The following ASAP2 variants were observed in gnomAD, a reference collection of about 807,000 sequenced individuals.
ASAP2 encodes the protein ArfGAP with SH3 domain, ankyrin repeat and PH domain 2, also known as arf-GAP with SH3 domain, ANK repeat and PH domain-containing protein 2.
In ASAP2, 45 loss-of-function variants were observed where a neutral mutation model predicts 131.4. That is an observed-to-expected ratio of 0.34 (90% CI 0.27 to 0.44). ASAP2 has a LOEUF of 0.44. Among genes scored for constraint, ASAP2 ranks in the 20% least tolerant of loss-of-function variants. The pLI is 1.00. For synonymous variants in ASAP2, 510 were observed against 503.0 expected (o/e 1.01, Z -0.19); for missense variants, 1,011 against 1,297.0 (o/e 0.78, Z 3.39).
intron 1 of ASAP2, among the ~76,000 whole-genome samples, chr2:9,251,304 A>G (rs1664688881): frequency 6.6e-6 from 1 of 152,014 alleles, no homozygotes; most frequent in South Asian, 2.1e-4. Flanking sequence ...CTGGCATTTG[A>G]CTTCGTCCCA....
At chr2:9,279,253 G>T in intron 1 of ASAP2, 64 bp from the exon 2 acceptor site, 1 of 1,509,442 alleles carries the variant, frequency 6.6e-7, no homozygotes, top group East Asian at 2.3e-5. Context: ...ACTCAACGTG[G>T]TGCTCGCTGC....
Position 9,350,906 on chromosome 2 carries a change from C to T in ASAP2, c.1111+11C>T. On this transcript the variant is annotated intron_variant, in intron 12 of 27. Transcript: ENST00000281419. ...TTGACCTCATTTCACGTAAGGCTCC[C>T]TCTGAGATGCCGCGCCATAGAGACG... 1 of 1,593,744 alleles carries T rather than the reference C, an allele frequency of 6.3e-7. No individual in the cohort carries two copies. Among genetic ancestry groups the T allele is most frequent in the Non-Finnish European group, 8.6e-7 (1 of 1,164,654 alleles).
intron 15 of ASAP2, among the ~76,000 whole-genome samples, chr2:9,359,674 A>G (rs1672958685): frequency 6.6e-6 from 1 of 152,214 alleles, no homozygotes; most frequent in Non-Finnish European, 1.5e-5. Context: ...TAACGTCAAG[A>G]GCAATAGTCT....
At chr2:9,305,157 G>A (rs564286933) in intron 3 of ASAP2, among the ~76,000 whole-genome samples, 572 of 151,866 alleles carry the variant, frequency 3.8e-3, no homozygotes, top group Non-Finnish European at 6.9e-3. Context: ...AGATATTGGT[G>A]GAGGGGCTGG....
At chr2:9,351,253 C>T (rs1033439311) in intron 12 of ASAP2, among the ~76,000 whole-genome samples, 2 of 152,214 alleles carry the variant, frequency 1.3e-5, no homozygotes, top group African/African-American at 2.4e-5. Context: ...ATTCTGTTTT[C>T]AAGAACTTAC....
chr2:9,280,982 G>A (rs1396193783), intron 2 of ASAP2, among the ~76,000 whole-genome samples: 1 of 152,194 alleles, frequency 6.6e-6, no homozygotes, highest in Non-Finnish European at 1.5e-5. Flanking sequence ...CTGTGTCAGG[G>A]TTGTGTGCAG....
At position 9,323,258 on chromosome 2, in the gene ASAP2, G is replaced by A. The variant is rs775005602; in HGVS notation, c.600+8G>A. On this transcript the variant is annotated splice_region_variant and intron_variant, in intron 6 of 27. Transcript: ENST00000281419. ...CAGCTACAGATGTGCGAGGTAAGGC[G>A]GTGGTGAAGGCAGGTCCTACAGCCC... 14 of 1,613,960 alleles carry A rather than the reference G, an allele frequency of 8.7e-6. No individual in the cohort carries two copies. The highest frequency in any genetic ancestry group is 3.3e-5 in the Admixed American group (2 of 60,002).
In ASAP2 at chr2:9,206,929, C is replaced by A; in HGVS notation, c.-176C>A. ...ACCGGCCGAGCTGCGCGGGGCTGCG[C>A]GCCGCCCCTGCTCCGCCGCCAGGCC... On this transcript the variant is annotated 5_prime_UTR_variant, in exon 1 of 28. Coordinates refer to ENST00000281419, the MANE Select transcript of ASAP2 (RefSeq NM_003887.3). This position sits in a 1 kb window ranked among gnomAD's most constrained non-coding sequence, Gnocchi z 4.0. 2.5e-6 allele frequency: 1 copy of A among 404,652 alleles called. No individual in the cohort carries two copies. The highest frequency in any genetic ancestry group is 3.3e-6 in the Non-Finnish European group (1 of 302,282). 25.1% of individuals were successfully genotyped at this position (404,652 alleles called of 1,614,324 possible).
chr2:9,334,893 A>G (rs1403063530), intron 8 of ASAP2, 80 bp downstream of exon 8: 2 of 1,509,824 alleles, frequency 1.3e-6, no homozygotes, highest in African/African-American at 2.8e-5. Context: ...CTTCTGTGTA[A>G]TCCTGTGTTT....
intron 17 of ASAP2, among the ~76,000 whole-genome samples, 159 bp downstream of exon 17, chr2:9,375,103 C>G (rs1674293167): frequency 8.4e-6 from 1 of 119,046 alleles, no homozygotes; most frequent in African/African-American, 4.1e-5. Context: ...GGCCCCATCT[C>G]TACAAAAAAA....
At chr2:9,348,184 A>G (rs1386092181) in intron 11 of ASAP2, among the ~76,000 whole-genome samples, 9 of 151,982 alleles carry the variant, frequency 5.9e-5, no homozygotes, top group Admixed American at 1.3e-4. Flanking sequence ...CCCAGGCTGG[A>G]TGGCTCACTG....
chr2:9,393,320 T>A (rs1675862758), intron 23 of ASAP2, among the ~76,000 whole-genome samples, 162 bp from the exon 24 acceptor site: 1 of 152,222 alleles, frequency 6.6e-6, no homozygotes, highest in Non-Finnish European at 1.5e-5. Context: ...GCTTCCTCCC[T>A]GTGAATGGTT....
At chr2:9,336,414 C>T (rs531194009) in intron 9 of ASAP2, among the ~76,000 whole-genome samples, 2 of 152,234 alleles carry the variant, frequency 1.3e-5, no homozygotes, top group East Asian at 3.9e-4. Flanking sequence ...TCACAGAGCA[C>T]ATCCTGTTTG....
intron 9 of ASAP2, among the ~76,000 whole-genome samples, chr2:9,342,601 A>G (rs1038851447): frequency 5.3e-5 from 8 of 152,250 alleles, no homozygotes; most frequent in Admixed American, 5.2e-4. Flanking sequence ...ATTAGGCAAT[A>G]GTTTCTTAGA....
intron 1 of ASAP2, among the ~76,000 whole-genome samples, chr2:9,267,477 G>A (rs181390754): frequency 1.2e-4 from 18 of 152,196 alleles, no homozygotes; most frequent in Non-Finnish European, 2.2e-4. Context: ...ACATGATTTA[G>A]TTCTTTTTTA....
chr2:9,317,392 ACAC>A (rs1166625440), intron 3 of ASAP2, among the ~76,000 whole-genome samples: 33 of 150,120 alleles, frequency 2.2e-4, no homozygotes, highest in African/African-American at 8.1e-4. Flanking sequence ...ATCCACACAC[ACAC>A]CCTCAAACAC....
intron 14 of ASAP2, among the ~76,000 whole-genome samples, chr2:9,358,288 T>G (rs1007146419): frequency 4.6e-5 from 7 of 152,260 alleles, no homozygotes; most frequent in African/African-American, 1.7e-4. Context: ...ACAGCATATC[T>G]TATGTACATA....
At position 9,401,303 on chromosome 2, in the gene ASAP2, G is replaced by C. The variant is rs757312137; in HGVS notation, c.2853G>C (p.Ala951=). The change falls in exon 27 of 28, where the codon GCG becomes GCC. Residue 951 remains alanine (A), a synonymous_variant. Transcript: ENST00000281419. Reference sequence around the variant, plus strand: ...AGTTGAAGCCTAAGCGGGTGAAAGCGCTCTATAACTGTGTGGCTGACAACC... The same window carrying C: ...AGTTGAAGCCTAAGCGGGTGAAAGCCCTCTATAACTGTGTGGCTGACAACC... ...ATKLKPKRVK[A]LYNCVADNPD... 3.1e-6 allele frequency: 5 copies of C among 1,613,558 alleles called. No individual in the cohort carries two copies. The highest frequency in any genetic ancestry group is 1.7e-5 in the Admixed American group (1 of 60,010).
At chr2:9,224,994 T>A (rs875053) in intron 1 of ASAP2, among the ~76,000 whole-genome samples, 32,556 of 152,104 alleles carry the variant, frequency 0.21, 3,677 homozygotes, top group Middle Eastern at 0.26. Flanking sequence ...TCAAGGTGCG[T>A]AAGTTGGAAC....
Sources: gnomAD v4.1 joint callset for allele counts (sites outside exome capture counted in the v4.1 genomes callset) on GRCh38, gnomAD v4.1.1 for gene constraint, Gnocchi (gnomAD v3.1) non-coding constraint, MANE v1.5 for transcripts, NCBI Gene and HGNC (gene_info 2026-07-23, HGNC 2026-07-21) for gene names.